SLC15A5: variants seen among roughly 807,000 people sequenced by gnomAD.
SLC15A5 encodes Peptide/histidine transporter ENSP00000340402.
A neutral mutation model predicts 56.1 loss-of-function variants in SLC15A5; 58 were observed. The ratio of observed to expected loss-of-function variants is 1.03; its 90% CI spans 0.84 to 1.29. SLC15A5 has a LOEUF of 1.29. Ranked by LOEUF, SLC15A5 falls within the 50% of genes most tolerant of loss-of-function variation. SLC15A5 has a pLI of 0.00. For synonymous variants in SLC15A5, 264 were observed against 250.5 expected (o/e 1.05, Z -0.51); for missense variants, 681 against 672.1 (o/e 1.01, Z -0.15).
At chr12:16,202,352 T>C (rs1471809030) in intron 7 of SLC15A5, among the ~76,000 whole-genome samples, 1 of 152,056 alleles carries the variant, frequency 6.6e-6, no homozygotes, top group African/African-American at 2.4e-5. Flanking sequence ...AAAAAACTTT[T>C]CAATATCAAT....
chr12:16,199,061 C>T (rs565788272), intron 7 of SLC15A5, among the ~76,000 whole-genome samples: 3 of 151,906 alleles, frequency 2.0e-5, no homozygotes, highest in African/African-American at 7.3e-5. Flanking sequence ...CAACCTAAGA[C>T]GTTTCACTTC....
chr12:16,261,087 G>C (rs576446009), intron 2 of SLC15A5, among the ~76,000 whole-genome samples: 1 of 151,504 alleles, frequency 6.6e-6, no homozygotes, highest in African/African-American at 2.4e-5. Context: ...AGATATAATT[G>C]AGATGCAGTA....
intron 6 of SLC15A5, among the ~76,000 whole-genome samples, chr12:16,218,056 T>C (rs544762273): frequency 6.6e-6 from 1 of 152,302 alleles, no homozygotes; most frequent in East Asian, 1.9e-4. Context: ...ATTTGATGTT[T>C]ATTATAATAT....
chr12:16,189,525 T>G lies in SLC15A5; in HGVS notation c.*143A>C, dbSNP rs1863820018. The G allele has an allele frequency of 1.7e-6, 1 of 602,166 alleles. No homozygotes were observed. The highest frequency in any genetic ancestry group is 1.9e-5 in the African/African-American group (1 of 52,154). 37.3% of individuals were successfully genotyped at this position (602,166 alleles called of 1,614,324 possible). A position where few individuals can be genotyped will look rare whatever the true frequency, so the allele number is the denominator to read the frequency against. On this transcript the variant is annotated 3_prime_UTR_variant, in exon 9 of 9. Transcript: ENST00000344941. Reference sequence around the variant, plus strand: ...AGTTTACTAGAAAATTCATAATTAGTCTTTGTAAATAAAGTATACAGATGA... The same window carrying G: ...AGTTTACTAGAAAATTCATAATTAGGCTTTGTAAATAAAGTATACAGATGA...
chr12:16,265,871 TTGA>T (rs1174522109), intron 2 of SLC15A5, among the ~76,000 whole-genome samples: 3 of 152,230 alleles, frequency 2.0e-5, no homozygotes, highest in Non-Finnish European at 2.9e-5. Flanking sequence ...GTGAAGCTCC[TTGA>T]TGATAAGATT....
chr12:16,256,837 C>T (rs1311412053), intron 3 of SLC15A5, among the ~76,000 whole-genome samples: 2 of 141,450 alleles, frequency 1.4e-5, no homozygotes, highest in Non-Finnish European at 3.0e-5. Context: ...CCAGCCTGGA[C>T]GACAGAGAGA....
Position 16,196,241 on chromosome 12 carries a change from A to G in SLC15A5, c.1484-1788T>C, listed in dbSNP as rs1194540396. On this transcript the variant is annotated intron_variant, in intron 7 of 8. Coordinates refer to ENST00000344941, the MANE Select transcript of SLC15A5 (RefSeq NM_001170798.1). The surrounding 1 kb of genome is among the most constrained non-coding windows in gnomAD (Gnocchi z 4.0). ...TTTTATTTGGGTTCTATTATAATGA[A>G]AATTTATGGTTTTATTGCTACAGTT... Among the ~76,000 whole-genome samples, 2 of 152,094 alleles carry G rather than the reference A, an allele frequency of 1.3e-5. No individual in the cohort carries two copies. Among genetic ancestry groups the G allele is most frequent in the Non-Finnish European group, 2.9e-5 (2 of 68,006 alleles).
At position 16,237,383 on chromosome 12, in the gene SLC15A5, CAACTG is replaced by C. The variant is rs1318637669; in HGVS notation, c.1162+2293_1162+2297del. ...GAATGAATGGAGTGGGGTTCAGAAACAACTGAAATCAGTATTCTGTACCCAGTGGA... is the reference window on the plus strand; with the variant it reads ...GAATGAATGGAGTGGGGTTCAGAAACAAATCAGTATTCTGTACCCAGTGGA... On this transcript the variant is annotated intron_variant, in intron 5 of 8. Transcript: ENST00000344941. The surrounding 1 kb of genome is among the most constrained non-coding windows in gnomAD (Gnocchi z 4.1). Among the ~76,000 whole-genome samples the C allele has an allele frequency of 6.6e-6, 1 of 152,126 alleles. No individual in the cohort carries two copies. The highest frequency in any genetic ancestry group is 1.5e-5 in the Non-Finnish European group (1 of 68,000).
chr12:16,252,432 A>G (rs992498316), intron 3 of SLC15A5, among the ~76,000 whole-genome samples: 3 of 152,102 alleles, frequency 2.0e-5, no homozygotes, highest in Non-Finnish European at 4.4e-5. Context: ...CACAAAAGTC[A>G]TTAGAATTAA....
intron 8 of SLC15A5, among the ~76,000 whole-genome samples, chr12:16,191,770 G>A (rs866172669): frequency 3.3e-5 from 5 of 152,122 alleles, no homozygotes; most frequent in Non-Finnish European, 4.4e-5. Flanking sequence ...TGGCCAATAG[G>A]TCCCCAAGGC....
chr12:16,272,244 A>G (rs1864767662), intron 2 of SLC15A5, among the ~76,000 whole-genome samples: 1 of 152,170 alleles, frequency 6.6e-6, no homozygotes, highest in Non-Finnish European at 1.5e-5. Context: ...GCCTGTGTTA[A>G]GCAGAGTCCA....
At chr12:16,193,924 G>GT (rs5796655) in intron 8 of SLC15A5, among the ~76,000 whole-genome samples, 104 of 145,694 alleles carry the variant, frequency 7.1e-4, no homozygotes, top group African/African-American at 2.3e-3. Flanking sequence ...GGATTTTGTA[G>GT]TTTTTTTTAA....
intron 6 of SLC15A5, among the ~76,000 whole-genome samples, chr12:16,220,058 C>A (rs7311800): frequency 0.56 from 84,462 of 151,904 alleles, 23,751 homozygotes; most frequent in South Asian, 0.74. Context: ...TTTTTACTCT[C>A]GTTGTTCTTA....
At chr12:16,200,029 C>G (rs994458515) in intron 7 of SLC15A5, among the ~76,000 whole-genome samples, 8 of 151,976 alleles carry the variant, frequency 5.3e-5, no homozygotes, top group African/African-American at 1.9e-4. Context: ...CACATACACT[C>G]TCAGTTAGTA....
intron 7 of SLC15A5, among the ~76,000 whole-genome samples, chr12:16,211,020 A>G (rs1973824): frequency 0.54 from 82,196 of 152,046 alleles, 22,546 homozygotes; most frequent in South Asian, 0.74. Context: ...AGCCACAGGA[A>G]CCAAGGCACT....
At chr12:16,208,372 T>G (rs1864041841) in intron 7 of SLC15A5, among the ~76,000 whole-genome samples, 1 of 152,162 alleles carries the variant, frequency 6.6e-6, no homozygotes. Context: ...TACACTCAAA[T>G]GTCTCTCAGA....
At chr12:16,262,567 A>G (rs1864652563) in intron 2 of SLC15A5, among the ~76,000 whole-genome samples, 1 of 152,266 alleles carries the variant, frequency 6.6e-6, no homozygotes, top group African/African-American at 2.4e-5. Context: ...TGCTAAGCCA[A>G]TGTCATCATC....
rs2136256711 is a variant in SLC15A5, at chr12:16,237,847, T to A, written c.1162+1834A>T. Among the ~76,000 whole-genome samples the A allele has an allele frequency of 6.6e-6, 1 of 152,310 alleles. No homozygotes were observed. Among genetic ancestry groups the A allele is most frequent in the Middle Eastern group, 3.4e-3 (1 of 294 alleles). On this transcript the variant is annotated intron_variant, in intron 5 of 8. Coordinates refer to ENST00000344941, the MANE Select transcript of SLC15A5 (RefSeq NM_001170798.1). The surrounding 1 kb of genome is among the most constrained non-coding windows in gnomAD (Gnocchi z 4.1). ...ATATGATTTTACTCCTATTTTGTCC[T>A]GCATGCATTATGTTTCAATCATGGA...
chr12:16,236,742 G>A (rs780493829), intron 5 of SLC15A5, among the ~76,000 whole-genome samples: 4 of 152,164 alleles, frequency 2.6e-5, no homozygotes, highest in Non-Finnish European at 5.9e-5. Flanking sequence ...ATACCTGGAT[G>A]TGGAAGGGCA....
Sources: allele counts gnomAD v4.1 joint callset (sites outside exome capture counted in the v4.1 genomes callset), GRCh38; gene constraint gnomAD v4.1.1; non-coding constraint Gnocchi (gnomAD v3.1); transcripts MANE v1.5; gene names NCBI Gene and HGNC (gene_info 2026-07-23, HGNC 2026-07-21).